The following LARGE1 variants were observed in gnomAD, a reference collection of about 807,000 sequenced individuals.
LARGE1 encodes LARGE xylosyl- and glucuronyltransferase 1.
A neutral mutation model predicts 87.6 loss-of-function variants in LARGE1; 43 were observed. That is an observed-to-expected ratio of 0.49 (90% CI 0.38 to 0.63). LARGE1 has a LOEUF of 0.63. Among genes scored for constraint, LARGE1 ranks in the 30% least tolerant of loss-of-function variants. The probability of loss-of-function intolerance (pLI) is 0.00; values close to 1 mark genes in which losing one functional copy is unlikely to be tolerated. For missense variants in LARGE1, 802 were observed against 1,000.2 expected, an observed-to-expected ratio of 0.80 and a Z score of 2.67; for synonymous variants, 434 against 394.6, an observed-to-expected ratio of 1.10 and a Z score of -1.18.
intron 3 of LARGE1, among the ~76,000 whole-genome samples, chr22:33,632,643 C>T (rs1569327766): frequency 6.6e-6 from 1 of 151,994 alleles, no homozygotes; most frequent in Non-Finnish European, 1.5e-5. Flanking sequence ...CTTGGCCCCT[C>T]CTGGAATCAT....
chr22:33,249,385 T>C (rs1325249432), intron 11 of LARGE1, among the ~76,000 whole-genome samples: 3 of 152,230 alleles, frequency 2.0e-5, no homozygotes, highest in Admixed American at 6.5e-5. Flanking sequence ...ACTAAGCTGG[T>C]TGCTTTTTTT....
At chr22:33,649,811 C>T (rs1003803346) in intron 3 of LARGE1, among the ~76,000 whole-genome samples, 2 of 152,142 alleles carry the variant, frequency 1.3e-5, no homozygotes, top group Non-Finnish European at 2.9e-5. Flanking sequence ...AATAAATATC[C>T]CACATTTCCA....
intron 11 of LARGE1, among the ~76,000 whole-genome samples, chr22:33,167,492 T>C (rs1602033994): frequency 6.6e-6 from 1 of 152,332 alleles, no homozygotes; most frequent in African/African-American, 2.4e-5. Flanking sequence ...TATGGCTTAA[T>C]ACCCATAAGA....
chr22:33,080,429 C>T, the LARGE1 span, among the ~76,000 whole-genome samples: 851 of 152,272 alleles, frequency 5.6e-3, 8 homozygotes, highest in African/African-American at 0.02. Flanking sequence ...AGGATGCAGG[C>T]TAAGAAAATG....
chr22:33,644,157 C>T (rs985812289), intron 3 of LARGE1, among the ~76,000 whole-genome samples: 3 of 152,130 alleles, frequency 2.0e-5, no homozygotes, highest in African/African-American at 7.2e-5. Flanking sequence ...ATGTGAAAAT[C>T]CTCGGTAAAA....
chr22:33,127,005 A>C, the LARGE1 span, among the ~76,000 whole-genome samples: 1 of 152,168 alleles, frequency 6.6e-6, no homozygotes, highest in East Asian at 1.9e-4. Context: ...TCTTTGCACT[A>C]TTCCTTCCTG....
At chr22:33,420,073 C>A (rs1275906737) in intron 7 of LARGE1, among the ~76,000 whole-genome samples, 1 of 152,182 alleles carries the variant, frequency 6.6e-6, no homozygotes, top group Non-Finnish European at 1.5e-5. Context: ...GCCCGTAGAA[C>A]CTCCTGGCTG....
At chr22:33,343,979 G>C (rs1939449987) in intron 9 of LARGE1, among the ~76,000 whole-genome samples, 3 of 152,194 alleles carry the variant, frequency 2.0e-5, no homozygotes, top group Admixed American at 2.0e-4. Context: ...TTGAGGGCAG[G>C]AAGCATCCAG....
chr22:33,087,068 C>G, the LARGE1 span, among the ~76,000 whole-genome samples: 3 of 151,906 alleles, frequency 2.0e-5, no homozygotes, highest in Non-Finnish European at 4.4e-5. Flanking sequence ...TTGTTTCTTT[C>G]TTTTTTTCTT....
chr22:33,317,990 A>T (rs1936340704), intron 10 of LARGE1, among the ~76,000 whole-genome samples: 1 of 151,878 alleles, frequency 6.6e-6, no homozygotes, highest in Non-Finnish European at 1.5e-5. Context: ...TAATCCCAGC[A>T]CTTTGGGAGG....
intron 10 of LARGE1, among the ~76,000 whole-genome samples, chr22:33,327,690 G>C (rs1303946459): frequency 1.3e-5 from 2 of 152,168 alleles, no homozygotes; most frequent in Non-Finnish European, 2.9e-5. Context: ...TGAGTAGCTA[G>C]GACCACAGGC....
the LARGE1 span, among the ~76,000 whole-genome samples, chr22:33,086,523 T>TTGG: frequency 6.6e-6 from 1 of 151,886 alleles, no homozygotes; most frequent in Non-Finnish European, 1.5e-5. Flanking sequence ...GGACAATTGT[T>TTGG]TGGTGGCATA....
the LARGE1 span, among the ~76,000 whole-genome samples, chr22:33,125,781 T>G: frequency 6.6e-6 from 1 of 152,010 alleles, no homozygotes; most frequent in Non-Finnish European, 1.5e-5. Flanking sequence ...TTTATTTTAT[T>G]TAGTCACCCA....
At chr22:33,430,554 T>C (rs539372020) in intron 7 of LARGE1, among the ~76,000 whole-genome samples, 1 of 152,064 alleles carries the variant, frequency 6.6e-6, no homozygotes, top group East Asian at 1.9e-4. Flanking sequence ...CATTCTTCAA[T>C]CACAACCTCT....
At chr22:33,604,604 CTT>C in intron 4 of LARGE1, 46 bp from the exon 5 acceptor site, 3 of 1,612,964 alleles carry the variant, frequency 1.9e-6, no homozygotes, top group Non-Finnish European at 8.5e-7. Flanking sequence ...AGGTACGGCT[CTT>C]TGAATTACAG....
intron 1 of LARGE1, among the ~76,000 whole-genome samples, chr22:33,763,175 T>A (rs1355720593): frequency 6.6e-6 from 1 of 152,204 alleles, no homozygotes; most frequent in African/African-American, 2.4e-5. Context: ...AGGTGCCTGA[T>A]AACTGTCTGT....
At chr22:33,860,490 G>A (rs2063884627) in intron 1 of LARGE1, among the ~76,000 whole-genome samples, 1 of 152,140 alleles carries the variant, frequency 6.6e-6, no homozygotes, top group African/African-American at 2.4e-5. Flanking sequence ...GGCCTGGAGG[G>A]GCAATCCTAG....
intron 6 of LARGE1, among the ~76,000 whole-genome samples, chr22:33,475,938 CT>C (rs2069059365): frequency 6.6e-6 from 1 of 152,166 alleles, no homozygotes; most frequent in African/African-American, 2.4e-5. Flanking sequence ...CCCAAAATCA[CT>C]AAGCCAAAGA....
chr22:33,842,194 C>A (rs752574267), intron 1 of LARGE1, among the ~76,000 whole-genome samples: 10 of 152,128 alleles, frequency 6.6e-5, no homozygotes, highest in Non-Finnish European at 1.5e-5. Context: ...TCTACACGGA[C>A]GTAAAGCACC....
Sources: gnomAD v4.1 joint callset for allele counts (sites outside exome capture counted in the v4.1 genomes callset) on GRCh38, gnomAD v4.1.1 for gene constraint, MANE v1.5 for transcripts, NCBI Gene and HGNC (gene_info 2026-07-23, HGNC 2026-07-21) for gene names.